ABCA13: variants seen among roughly 807,000 people sequenced by gnomAD.
ABCA13 encodes the protein ATP-binding cassette sub-family A member 13.
Under a neutral mutation model 478.7 loss-of-function variants are expected in ABCA13, and 476 were observed. That is an observed-to-expected ratio of 0.99 (90% CI 0.92 to 1.07). The LOEUF is 1.07. Ranked by LOEUF, ABCA13 falls within the 50% of genes least tolerant of loss-of-function variation. The pLI is 0.00. For missense variants in ABCA13, 6,060 were observed against 5,910.6 expected, an observed-to-expected ratio of 1.03 and a Z score of -0.83; for synonymous variants, 2,252 against 2,158.9, an observed-to-expected ratio of 1.04 and a Z score of -1.20.
At chr7:48,338,582 T>C in intron 29 of ABCA13, 127 bp downstream of exon 29, 1 of 591,994 alleles carries the variant, frequency 1.7e-6, no homozygotes, top group South Asian at 3.9e-5. Context: ...TCTCTCAGTT[T>C]CTATTTTCTT....
intron 27 of ABCA13, 67 bp from the exon 28 acceptor site, chr7:48,335,355 T>C: frequency 8.2e-7 from 1 of 1,217,998 alleles, no homozygotes; most frequent in Non-Finnish European, 1.2e-6. Context: ...ATACAGTCCT[T>C]GTTGGAAGAT....
chr7:48,409,500 C>T (rs1818704695), intron 39 of ABCA13, among the ~76,000 whole-genome samples: 1 of 152,166 alleles, frequency 6.6e-6, no homozygotes, highest in South Asian at 2.1e-4. Flanking sequence ...TCCACCCTGG[C>T]TCCCTGTGTC....
chr7:48,637,409 G>C (rs139789121), intron 59 of ABCA13, among the ~76,000 whole-genome samples: 19 of 72,188 alleles, frequency 2.6e-4, no homozygotes, highest in African/African-American at 1.3e-3. Flanking sequence ...AAAAAAAACA[G>C]AGAGAGAAAG....
intron 35 of ABCA13, among the ~76,000 whole-genome samples, chr7:48,383,819 A>G (rs1175386755): frequency 2.0e-5 from 3 of 152,214 alleles, no homozygotes; most frequent in Non-Finnish European, 4.4e-5. Flanking sequence ...TTCACACTGT[A>G]TATGTAAATT....
At chr7:48,497,034 C>G (rs1830338801) in intron 48 of ABCA13, among the ~76,000 whole-genome samples, 2 of 152,014 alleles carry the variant, frequency 1.3e-5, no homozygotes, top group Non-Finnish European at 2.9e-5. Flanking sequence ...CAGCCCCACT[C>G]TCTCTTTCCC....
chr7:48,352,139 C>T lies in ABCA13; in HGVS notation c.10382-42C>T, dbSNP rs777167505. On this transcript the variant is annotated intron_variant, in intron 30 of 61. Transcript: ENST00000435803. Reference sequence around the variant, plus strand: ...GTGTAGGCGTGGTTTGAGCCACTCCCTACAGTGTGGTAATGCTTCGTTTTT... The same window carrying T: ...GTGTAGGCGTGGTTTGAGCCACTCCTTACAGTGTGGTAATGCTTCGTTTTT... 31 of 1,565,058 alleles carry T rather than the reference C, an allele frequency of 2.0e-5. 1 individual carries two copies. Among genetic ancestry groups the T allele is most frequent in the African/African-American group, 4.1e-5 (3 of 72,360 alleles).
In ABCA13 at chr7:48,276,246, C is replaced by G. The variant is rs1467294927; in HGVS notation, c.6580C>G (p.Gln2194Glu). Residue 2194 changes from glutamine (Q) to glutamate (E), a missense_variant, in exon 17 of 62, where the codon CAG becomes GAG. Around this residue, in one of 3 missense-constraint regions of ABCA13, gnomAD observed 4,423 missense variants for 4,309.1 expected, o/e 1.03. Coordinates refer to ENST00000435803, the MANE Select transcript of ABCA13 (RefSeq NM_152701.5). Reference sequence around the variant, plus strand: ...TCTTACCCATCTGCTAAATCAAGAACAGCTGACTAATTTCTCAGTTGTTCA... The same window carrying G: ...TCTTACCCATCTGCTAAATCAAGAAGAGCTGACTAATTTCTCAGTTGTTCA... ...AFLTHLLNQE[Q>E]LTNFSVVQLL... 10 of 1,573,578 alleles carry G rather than the reference C, an allele frequency of 6.4e-6. No individual in the cohort carries two copies. Among genetic ancestry groups the G allele is most frequent in the Admixed American group, 3.7e-5 (2 of 54,000 alleles).
At chr7:48,598,075 A>AAATTTTCTG (rs1400328191) in intron 58 of ABCA13, among the ~76,000 whole-genome samples, 1 of 152,122 alleles carries the variant, frequency 6.6e-6, no homozygotes, top group African/African-American at 2.4e-5. Context: ...TCTGCCCTAA[A>AAATTTTCTG]AATTTTCTGT....
intron 57 of ABCA13, among the ~76,000 whole-genome samples, chr7:48,588,023 CA>C (rs1789361019): frequency 6.6e-6 from 1 of 152,106 alleles, no homozygotes; most frequent in Non-Finnish European, 1.5e-5. Flanking sequence ...TGAGGGGTGT[CA>C]AAAAGTGTGG....
rs371558609 is a variant in ABCA13 at position 48,273,059 on chromosome 7, C to T, written c.3393C>T (p.Leu1131=). The change falls in exon 17 of 62, where the codon CTC becomes CTT. Residue 1131 remains leucine, a synonymous_variant. Coordinates refer to ENST00000435803, the MANE Select transcript of ABCA13 (RefSeq NM_152701.5). ...CATTGGCACAAATTTTTTCAAACCT[C>T]TCAGCAAATGTCAGTGTGTTCAACA... The part of the protein sequence containing the change: ...VFPLAQIFSN[L]SANVSVFNKF... 186 of 1,613,494 alleles carry T rather than the reference C, an allele frequency of 1.2e-4. 1 individual carries two copies. Among genetic ancestry groups the T allele is most frequent in the South Asian group, 4.8e-4 (44 of 91,076 alleles).
At position 48,278,125 on chromosome 7, in the gene ABCA13, C is replaced by T; in HGVS notation, c.6931C>T (p.Leu2311=). The change falls in exon 18 of 62, where the codon CTG becomes TTG. Residue 2311 remains leucine (L), a synonymous_variant. Coordinates refer to ENST00000435803, the MANE Select transcript of ABCA13 (RefSeq NM_152701.5). The stretch of plus-strand genomic sequence containing the variant: ...CCCAAAAGATAAAATTCTAGAAATT[C>T]TGAAACTGGATCAATTTCTTACCCT... The part of the protein sequence containing the change: ...FVPKDKILEI[L]KLDQFLTLMI... The T allele has an allele frequency of 7.3e-7, 1 of 1,379,228 alleles. No homozygotes were observed. Among genetic ancestry groups the T allele is most frequent in the Non-Finnish European group, 9.6e-7 (1 of 1,044,628 alleles). The allele number at this position is 1,379,228 out of a possible 1,614,324, so 85.4% of individuals were successfully genotyped here.
At chr7:48,183,585 G>C (rs909888534) in intron 1 of ABCA13, among the ~76,000 whole-genome samples, 1 of 152,144 alleles carries the variant, frequency 6.6e-6, no homozygotes, top group African/African-American at 2.4e-5. Context: ...ATTCCCAGGA[G>C]AGCCTCATTC....
At chr7:48,173,621 A>G (rs908044098) in intron 1 of ABCA13, among the ~76,000 whole-genome samples, 2 of 152,232 alleles carry the variant, frequency 1.3e-5, no homozygotes, top group Non-Finnish European at 2.9e-5. Context: ...TGATATTTGT[A>G]CAAGGTTGTT....
intron 55 of ABCA13, 63 bp downstream of exon 55, chr7:48,528,408 C>T: frequency 8.8e-7 from 1 of 1,132,768 alleles, no homozygotes; most frequent in Non-Finnish European, 1.2e-6. Flanking sequence ...GAACCCCCAG[C>T]ATTTTCCCTC....
intron 27 of ABCA13, among the ~76,000 whole-genome samples, chr7:48,327,335 T>G (rs2128923236): frequency 6.6e-6 from 1 of 152,192 alleles, no homozygotes; most frequent in African/African-American, 2.4e-5. Flanking sequence ...ATCACAAGAA[T>G]AGCATGGGGA....
At chr7:48,224,673 C>A (rs1787889887) in intron 5 of ABCA13, among the ~76,000 whole-genome samples, 1 of 152,128 alleles carries the variant, frequency 6.6e-6, no homozygotes, top group Non-Finnish European at 1.5e-5. Flanking sequence ...AATAATGTTA[C>A]CTTGAAACAA....
At chr7:48,312,945 C>T in intron 24 of ABCA13, 122 bp from the exon 25 acceptor site, 1 of 1,064,844 alleles carries the variant, frequency 9.4e-7, no homozygotes, top group South Asian at 2.3e-5. Context: ...GCAAAGGCGT[C>T]TCTGAAGTTC....
At chr7:48,562,958 GTA>G (rs57646990) in intron 55 of ABCA13, among the ~76,000 whole-genome samples, 71,239 of 150,274 alleles carry the variant, frequency 0.47, 20,112 homozygotes, top group African/African-American at 0.8. Context: ...ATGTATGTGT[GTA>G]TATATATATA....
At chr7:48,196,474 A>T (rs1254499849) in intron 2 of ABCA13, among the ~76,000 whole-genome samples, 1 of 152,128 alleles carries the variant, frequency 6.6e-6, no homozygotes, top group Non-Finnish European at 1.5e-5. Context: ...AACCTTTGTG[A>T]GCCTCTTCTC....
Sources: allele counts gnomAD v4.1 joint callset (sites outside exome capture counted in the v4.1 genomes callset), GRCh38; gene constraint gnomAD v4.1.1; regional missense constraint gnomAD v4.1.1; transcripts MANE v1.5; gene names NCBI Gene and HGNC (gene_info 2026-07-23, HGNC 2026-07-21).